Variants in ADAMTSL1 observed in about 807,000 individuals in gnomAD.
ADAMTSL1 encodes the protein ADAMTS like 1.
Under a neutral mutation model 201.8 loss-of-function variants are expected in ADAMTSL1, and 126 were observed. The ratio of observed to expected loss-of-function variants is 0.62; its 90% CI spans 0.54 to 0.72. The LOEUF is 0.72. Among genes scored for constraint, ADAMTSL1 ranks in the 30% least tolerant of loss-of-function variants. ADAMTSL1 has a pLI of 0.00. For missense variants in ADAMTSL1, 2,679 were observed against 2,277.8 expected (o/e 1.18, Z -3.59); for synonymous variants, 1,121 against 903.4 (o/e 1.24, Z -4.32).
intron 4 of ADAMTSL1, among the ~76,000 whole-genome samples, chr9:18,620,610 A>T (rs1456877587): frequency 1.3e-5 from 2 of 152,192 alleles, no homozygotes; most frequent in East Asian, 3.9e-4. Context: ...TACACCAAAG[A>T]AGTCTTAAGC....
intron 2 of ADAMTSL1, among the ~76,000 whole-genome samples, chr9:18,232,549 A>G (rs1200255833): frequency 1.3e-5 from 2 of 152,186 alleles, no homozygotes; most frequent in African/African-American, 4.8e-5. Flanking sequence ...AGAAGTGACT[A>G]TTGCATAGTT....
At chr9:18,819,134 T>C (rs1824044986) in intron 21 of ADAMTSL1, among the ~76,000 whole-genome samples, 1 of 152,056 alleles carries the variant, frequency 6.6e-6, no homozygotes, top group Non-Finnish European at 1.5e-5. Context: ...GTGTATCTTC[T>C]TGAGAGGTGG....
chr9:18,420,110 C>T (rs541236123), intron 2 of ADAMTSL1, among the ~76,000 whole-genome samples: 7 of 152,270 alleles, frequency 4.6e-5, no homozygotes, highest in East Asian at 1.9e-4. Flanking sequence ...ATTACAGTTT[C>T]GCCAAATAGG....
chr9:18,509,035 T>C (rs2131957066), intron 2 of ADAMTSL1, among the ~76,000 whole-genome samples: 1 of 122,310 alleles, frequency 8.2e-6, no homozygotes, highest in African/African-American at 3.5e-5. Flanking sequence ...ATACAAAAAA[T>C]TAGCCGGGCG....
chr9:18,836,523 G>C (rs1417234578), intron 23 of ADAMTSL1, among the ~76,000 whole-genome samples: 1 of 151,974 alleles, frequency 6.6e-6, no homozygotes, highest in Admixed American at 6.6e-5. Context: ...GTTTGAAGTT[G>C]GGTGGCATGA....
At chr9:18,531,050 C>G (rs190957133) in intron 2 of ADAMTSL1, among the ~76,000 whole-genome samples, 62 of 152,258 alleles carry the variant, frequency 4.1e-4, no homozygotes, top group African/African-American at 1.5e-3. Flanking sequence ...GAGTCAGAAA[C>G]CTGATATTTT....
rs565931770 is a variant in ADAMTSL1 at position 18,082,558 on chromosome 9, T to G, written c.88-81304T>G. Among the ~76,000 whole-genome samples, 7 of 152,310 alleles carry G rather than the reference T, an allele frequency of 4.6e-5. No individual in the cohort carries two copies. In the East Asian group the frequency reaches 7.7e-4, roughly 17 times the overall value. ...CATTTTCAGCTTCTTAAGGACACCT[T>G]AAGACACATCCTATGTGAGCCTCCT... On this transcript the variant is annotated intron_variant, in intron 1 of 29. Coordinates refer to the ADAMTSL1 transcript ENST00000680146.
chr9:18,586,011 C>T (rs977542489), intron 4 of ADAMTSL1, among the ~76,000 whole-genome samples: 32 of 152,242 alleles, frequency 2.1e-4, no homozygotes, highest in Middle Eastern at 3.4e-3. Context: ...CCAGAAAATT[C>T]CCTTTTAAAA....
chr9:18,312,546 C>T (rs1026461999), intron 2 of ADAMTSL1, among the ~76,000 whole-genome samples: 3 of 152,202 alleles, frequency 2.0e-5, no homozygotes, highest in African/African-American at 7.2e-5. Context: ...ATAACTTCAC[C>T]TGAGGTAGCC....
At chr9:18,562,762 A>T (rs907127172) in intron 3 of ADAMTSL1, among the ~76,000 whole-genome samples, 9 of 152,200 alleles carry the variant, frequency 5.9e-5, no homozygotes, top group African/African-American at 2.2e-4. Context: ...TATTTCATTA[A>T]GATGATCTTC....
chr9:18,421,715 TAC>T (rs1253077136), intron 2 of ADAMTSL1, among the ~76,000 whole-genome samples: 1 of 152,090 alleles, frequency 6.6e-6, no homozygotes, highest in East Asian at 1.9e-4. Context: ...ATATTATGAG[TAC>T]AGATTGCTGT....
At chr9:18,523,433 C>G (rs973647433) in intron 2 of ADAMTSL1, among the ~76,000 whole-genome samples, 1 of 152,148 alleles carries the variant, frequency 6.6e-6, no homozygotes, top group Non-Finnish European at 1.5e-5. Context: ...TGTGCAGAAG[C>G]TCTTTAGTTT....
intron 2 of ADAMTSL1, among the ~76,000 whole-genome samples, chr9:18,192,672 T>C (rs1356933263): frequency 6.6e-6 from 1 of 152,120 alleles, no homozygotes; most frequent in African/African-American, 2.4e-5. Context: ...CTAGCAAATA[T>C]TCAGTACTAC....
chr9:18,543,409 T>C (rs542348518), intron 3 of ADAMTSL1, among the ~76,000 whole-genome samples: 38 of 152,246 alleles, frequency 2.5e-4, no homozygotes, highest in South Asian at 4.1e-4. Context: ...AGAGAAATGA[T>C]GAGTGACTTT....
intron 2 of ADAMTSL1, among the ~76,000 whole-genome samples, chr9:18,251,876 G>C: frequency 6.6e-6 from 1 of 152,016 alleles, no homozygotes; most frequent in Non-Finnish European, 1.5e-5. Context: ...GAAAAATTTG[G>C]TTCAACTAAA....
intron 20 of ADAMTSL1, 37 bp downstream of exon 20, chr9:18,795,561 C>A (rs370201772): frequency 5.1e-6 from 8 of 1,566,942 alleles, no homozygotes; most frequent in Non-Finnish European, 6.9e-6. Context: ...ATTTCATAAA[C>A]CTTTATTGAA....
intron 2 of ADAMTSL1, among the ~76,000 whole-genome samples, chr9:18,511,484 G>A (rs1169722107): frequency 6.6e-6 from 1 of 151,986 alleles, no homozygotes; most frequent in Non-Finnish European, 1.5e-5. Context: ...ATTATTAGAT[G>A]AGCAAGAAAT....
At chr9:18,340,746 C>G (rs967327195) in intron 2 of ADAMTSL1, among the ~76,000 whole-genome samples, 17 of 152,116 alleles carry the variant, frequency 1.1e-4, no homozygotes, top group African/African-American at 3.9e-4. Flanking sequence ...CTCTCTCTTG[C>G]CTGCTGCCAT....
At chr9:18,718,270 G>A in intron 14 of ADAMTSL1, 1 of 758,014 alleles carries the variant, frequency 1.3e-6, no homozygotes, top group South Asian at 1.4e-5. Flanking sequence ...AATGTGGACT[G>A]TGCTTTGATG....
Sources: gnomAD v4.1 joint callset for allele counts (sites outside exome capture counted in the v4.1 genomes callset) on GRCh38, gnomAD v4.1.1 for gene constraint, MANE v1.5 for transcripts, NCBI Gene and HGNC (gene_info 2026-07-23, HGNC 2026-07-21) for gene names.